MCM9: variants seen among roughly 807,000 people sequenced by gnomAD.
The protein encoded by MCM9 is minichromosome maintenance 9 homologous recombination repair factor.
MCM9 carries 55 observed loss-of-function variants against 72.8 expected under a neutral mutation model. The ratio of observed to expected loss-of-function variants is 0.76; its 90% CI spans 0.61 to 0.95. MCM9 has a LOEUF of 0.95. Ranked by LOEUF, MCM9 falls within the 40% of genes least tolerant of loss-of-function variation. MCM9 has a pLI of 0.00. For synonymous variants in MCM9, 480 were observed against 503.4 expected (o/e 0.95, Z 0.62); for missense variants, 1,279 against 1,377.0 (o/e 0.93, Z 1.13).
chr6:118,856,271 G>A (rs1313075806), intron 9 of MCM9, 100 bp downstream of exon 9: 1 of 1,207,448 alleles, frequency 8.3e-7, no homozygotes, highest in African/African-American at 1.5e-5. Context: ...TCATCCCAAA[G>A]AGGACCAAAC....
chr6:118,896,931 G>A (rs948902356), intron 8 of MCM9, among the ~76,000 whole-genome samples: 1 of 152,018 alleles, frequency 6.6e-6, no homozygotes, highest in Non-Finnish European at 1.5e-5. Context: ...GCCTCAACCT[G>A]GGCTTAAGCA....
chr6:118,924,593 T>C (rs1781724734), intron 3 of MCM9, among the ~76,000 whole-genome samples: 1 of 152,182 alleles, frequency 6.6e-6, no homozygotes, highest in South Asian at 2.1e-4. Flanking sequence ...TCCACAGCGC[T>C]AGAAAGTTAC....
chr6:118,891,765 AT>A (rs1234765255), intron 8 of MCM9, among the ~76,000 whole-genome samples: 1 of 152,132 alleles, frequency 6.6e-6, no homozygotes, highest in Non-Finnish European at 1.5e-5. Flanking sequence ...AGTTTCATGT[AT>A]TTCTGCCCTA....
At chr6:118,841,078 G>A (rs1344941394) in intron 9 of MCM9, among the ~76,000 whole-genome samples, 1 of 151,236 alleles carries the variant, frequency 6.6e-6, no homozygotes, top group Non-Finnish European at 1.5e-5. Context: ...GGTTGATAAA[G>A]TTGACAAAAT....
intron 8 of MCM9, among the ~76,000 whole-genome samples, chr6:118,900,096 G>T (rs1779703280): frequency 6.6e-6 from 1 of 152,148 alleles, no homozygotes; most frequent in Non-Finnish European, 1.5e-5. Context: ...TCTCCACTGT[G>T]TATACTCTAT....
At chr6:118,922,513 C>G (rs1781511407) in intron 4 of MCM9, among the ~76,000 whole-genome samples, 1 of 152,196 alleles carries the variant, frequency 6.6e-6, no homozygotes, top group South Asian at 2.1e-4. Flanking sequence ...AATACAAAGA[C>G]TGTATTTCCC....
At chr6:118,855,537 C>G (rs887162223) in intron 9 of MCM9, among the ~76,000 whole-genome samples, 2 of 152,098 alleles carry the variant, frequency 1.3e-5, no homozygotes, top group Admixed American at 1.3e-4. Context: ...CTACCTCACT[C>G]CTCCATTAAT....
At chr6:118,853,601 A>G (rs1352655908) in intron 9 of MCM9, among the ~76,000 whole-genome samples, 1 of 152,090 alleles carries the variant, frequency 6.6e-6, no homozygotes, top group East Asian at 1.9e-4. Context: ...AGAATTTGAG[A>G]CCAGCCTGGG....
intron 12 of MCM9, 143 bp downstream of exon 12, chr6:118,826,639 T>C (rs12526646): frequency 1.5e-6 from 1 of 663,468 alleles, no homozygotes; most frequent in Middle Eastern, 2.9e-4. Context: ...ATTTAATCGG[T>C]TACCTTTGGA....
chr6:118,882,730 G>A (rs973456933), intron 8 of MCM9, among the ~76,000 whole-genome samples: 1 of 152,042 alleles, frequency 6.6e-6, no homozygotes, highest in Non-Finnish European at 1.5e-5. Flanking sequence ...ACACGTAAAG[G>A]CTGTTGCCTC....
chr6:118,885,373 T>C (rs1353752961), intron 8 of MCM9, among the ~76,000 whole-genome samples: 1 of 151,954 alleles, frequency 6.6e-6, no homozygotes, highest in East Asian at 1.9e-4. Flanking sequence ...ATTACTGGAA[T>C]AGAGAATAAA....
At chr6:118,822,194 G>A (rs1302988256) in intron 13 of MCM9, among the ~76,000 whole-genome samples, 1 of 152,174 alleles carries the variant, frequency 6.6e-6, no homozygotes, top group Non-Finnish European at 1.5e-5. Flanking sequence ...ATCATTTGAA[G>A]AGGCATTCTG....
At chr6:118,842,867 A>T (rs1775482646) in intron 9 of MCM9, among the ~76,000 whole-genome samples, 1 of 152,100 alleles carries the variant, frequency 6.6e-6, no homozygotes, top group African/African-American at 2.4e-5. Flanking sequence ...TCCTGGTTTC[A>T]TCTTACTTCT....
At chr6:118,852,264 A>G (rs1349658438) in intron 9 of MCM9, among the ~76,000 whole-genome samples, 2 of 152,250 alleles carry the variant, frequency 1.3e-5, no homozygotes, top group Admixed American at 1.3e-4. Context: ...TATGTGGCGT[A>G]TAACTATATA....
At chr6:118,902,734 C>G (rs1313208739) in intron 8 of MCM9, among the ~76,000 whole-genome samples, 1 of 151,940 alleles carries the variant, frequency 6.6e-6, no homozygotes, top group Non-Finnish European at 1.5e-5. Flanking sequence ...GTACATGTTG[C>G]CAAAAAGAAC....
chr6:118,833,152 C>T (rs1378091958), intron 9 of MCM9, among the ~76,000 whole-genome samples: 1 of 152,140 alleles, frequency 6.6e-6, no homozygotes, highest in Non-Finnish European at 1.5e-5. Context: ...CGGAGCAGAG[C>T]ACACCACCCT....
Position 118,930,162 on chromosome 6 carries a change from G to A in MCM9, c.304+1258C>T, listed in dbSNP as rs554318368. On this transcript the variant is annotated intron_variant, in intron 3 of 13. Transcript: ENST00000619706. ...GTCTCGCTCTGTTGCCCAGGCTGGA[G>A]TGCAATGGCGCGATCTCGGCTCACT... is the stretch of plus-strand genomic sequence containing the variant. 1.7e-4 allele frequency among the ~76,000 whole-genome samples: 26 copies of A among 152,108 alleles called. 1 individual carries two copies. In the South Asian group the frequency reaches 5.2e-3, roughly 30 times the overall value.
chr6:118,905,022 G>A (rs150320209), intron 8 of MCM9, among the ~76,000 whole-genome samples: 139 of 152,262 alleles, frequency 9.1e-4, no homozygotes, highest in African/African-American at 2.8e-3. Context: ...GTTTTTAATA[G>A]AGATGGGGTT....
chr6:118,837,317 T>C (rs1000152343), intron 9 of MCM9, among the ~76,000 whole-genome samples: 3 of 152,228 alleles, frequency 2.0e-5, no homozygotes, highest in Non-Finnish European at 4.4e-5. Context: ...ATAAGTGCTA[T>C]GTGGTGCTGA....
Sources: allele counts gnomAD v4.1 joint callset (sites outside exome capture counted in the v4.1 genomes callset), GRCh38; gene constraint gnomAD v4.1.1; transcripts MANE v1.5; gene names NCBI Gene and HGNC (gene_info 2026-07-23, HGNC 2026-07-21).